Variants in PRKD3 observed in about 807,000 individuals in gnomAD.
The protein encoded by PRKD3 is serine/threonine-protein kinase D3.
PRKD3 carries 47 observed loss-of-function variants against 99.2 expected under a neutral mutation model. The ratio of observed to expected loss-of-function variants is 0.47; its 90% CI spans 0.38 to 0.60. The LOEUF (loss-of-function observed/expected upper bound fraction) is 0.60. Among genes scored for constraint, PRKD3 ranks in the 20% least tolerant of loss-of-function variants. PRKD3 has a pLI of 0.00. For synonymous variants in PRKD3, 392 were observed against 355.4 expected, an observed-to-expected ratio of 1.10 and a Z score of -1.16; for missense variants, 1,019 against 1,088.4, an observed-to-expected ratio of 0.94 and a Z score of 0.90.
intron 2 of PRKD3, among the ~76,000 whole-genome samples, chr2:37,314,344 A>T (rs1012185070): frequency 6.6e-6 from 1 of 152,190 alleles, no homozygotes; most frequent in African/African-American, 2.4e-5. Context: ...TAACTATTTT[A>T]TATTTGTATA....
intron 2 of PRKD3, among the ~76,000 whole-genome samples, chr2:37,293,518 C>T (rs749283948): frequency 6.6e-6 from 1 of 152,174 alleles, no homozygotes; most frequent in African/African-American, 2.4e-5. Flanking sequence ...ATGTCTCTTA[C>T]AAATACAGGA....
intron 16 of PRKD3, among the ~76,000 whole-genome samples, chr2:37,257,137 G>T (rs1318642923): frequency 1.3e-5 from 2 of 152,168 alleles, no homozygotes; most frequent in East Asian, 3.8e-4. Context: ...GACACAGTAT[G>T]AAGAGCTTTC....
At chr2:37,321,635 T>G (rs1671887665) in intron 1 of PRKD3, among the ~76,000 whole-genome samples, 1 of 152,224 alleles carries the variant, frequency 6.6e-6, no homozygotes, top group African/African-American at 2.4e-5. Context: ...GAAACAGACA[T>G]GGCCACTGCT....
chr2:37,274,057 C>T (rs976656998), intron 11 of PRKD3, among the ~76,000 whole-genome samples: 5 of 152,124 alleles, frequency 3.3e-5, no homozygotes, highest in Non-Finnish European at 7.3e-5. Context: ...TGAGACTTTA[C>T]GGATGCCAAG....
At chr2:37,281,740 A>C (rs1669866779) in intron 7 of PRKD3, among the ~76,000 whole-genome samples, 1 of 152,234 alleles carries the variant, frequency 6.6e-6, no homozygotes, top group Non-Finnish European at 1.5e-5. Flanking sequence ...AAAACAAGCC[A>C]CAAGAGAAAA....
intron 1 of PRKD3, among the ~76,000 whole-genome samples, chr2:37,323,728 G>A (rs1671979914): frequency 6.6e-6 from 1 of 152,104 alleles, no homozygotes; most frequent in Non-Finnish European, 1.5e-5. Context: ...ACAAATTAAG[G>A]CATTTAAAAG....
At chr2:37,293,383 T>G (rs77133404) in intron 2 of PRKD3, 112 bp from the exon 3 acceptor site, 16 of 1,047,440 alleles carry the variant, frequency 1.5e-5, no homozygotes, top group Non-Finnish European at 1.9e-5. Flanking sequence ...TAACACTATT[T>G]GCTAACAATT....
chr2:37,271,883 T>C (rs1669290364), intron 12 of PRKD3, among the ~76,000 whole-genome samples: 1 of 152,196 alleles, frequency 6.6e-6, no homozygotes, highest in Non-Finnish European at 1.5e-5. Flanking sequence ...TGACCTGTTA[T>C]AAAACCCTCA....
At chr2:37,254,591 G>T (rs1667786548) in intron 17 of PRKD3, among the ~76,000 whole-genome samples, 1 of 152,202 alleles carries the variant, frequency 6.6e-6, no homozygotes, top group South Asian at 2.1e-4. Flanking sequence ...GTGATACTGG[G>T]TCAGTTACTA....
chr2:37,281,606 C>T (rs1293645037), intron 7 of PRKD3, among the ~76,000 whole-genome samples: 7 of 152,144 alleles, frequency 4.6e-5, no homozygotes, highest in South Asian at 2.1e-4. Flanking sequence ...ACAGAATCTG[C>T]CAGTGCCCTG....
intron 1 of PRKD3, among the ~76,000 whole-genome samples, chr2:37,319,062 T>C (rs1671773415): frequency 6.6e-6 from 1 of 152,192 alleles, no homozygotes; most frequent in Non-Finnish European, 1.5e-5. Flanking sequence ...GCTCTTACTA[T>C]CTGTCAGATA....
At chr2:37,275,871 G>A (rs1415773809) in intron 9 of PRKD3, 27 bp from the exon 10 acceptor site, 3 of 1,593,362 alleles carry the variant, frequency 1.9e-6, no homozygotes, top group African/African-American at 1.4e-5. Flanking sequence ...GGAAAACTGT[G>A]AGGTTCAAAA....
Position 37,260,392 on chromosome 2 carries a change from G to A in PRKD3, c.1885-8C>T. On this transcript the variant is annotated splice_polypyrimidine_tract_variant and splice_region_variant and intron_variant, in intron 14 of 18. Transcript: ENST00000234179. ...CCCAGGATGGTGCAAATTCTGAAGA[G>A]AGGTTGCAAGATACATGAGCAACTT... 6.2e-7 allele frequency: 1 copy of A among 1,606,316 alleles called. No individual in the cohort carries two copies. Among genetic ancestry groups the A allele is most frequent in the Non-Finnish European group, 8.5e-7 (1 of 1,173,088 alleles).
intron 13 of PRKD3, chr2:37,269,323 T>C: frequency 2.7e-6 from 1 of 369,194 alleles, no homozygotes; most frequent in Non-Finnish European, 5.1e-6. Flanking sequence ...CAACATAAAC[T>C]TCAAACCATC....
chr2:37,285,859 T>C (rs1285967749), intron 6 of PRKD3, among the ~76,000 whole-genome samples: 1 of 152,180 alleles, frequency 6.6e-6, no homozygotes. Context: ...CCTATTACTA[T>C]TAGTAGTTAA....
At chr2:37,287,189 C>T (rs1469690141) in intron 5 of PRKD3, among the ~76,000 whole-genome samples, 3 of 122,292 alleles carry the variant, frequency 2.5e-5, no homozygotes, top group Non-Finnish European at 4.7e-5. Context: ...GAGATCATGC[C>T]ATTGGACTCC....
chr2:37,254,227 A>C lies in PRKD3; in HGVS notation c.2476T>G (p.Ser826Ala), dbSNP rs1667755480. ...KMRKRYSVDK[S>A]LSHPWLQDYQ... ...ACCTGTAGCCAGGGATGACTAAGAG[A>C]TTTGTCAACACTGTAACGTTTTCTC... Residue 826 changes from serine to alanine, a missense_variant, in exon 18 of 19, where the codon TCT becomes GCT. Transcript: ENST00000234179. The C allele has an allele frequency of 6.2e-7, 1 of 1,612,312 alleles. No homozygotes were observed. Among genetic ancestry groups the C allele is most frequent in the Non-Finnish European group, 8.5e-7 (1 of 1,178,410 alleles).
chr2:37,293,061 T>C (rs973767909), intron 3 of PRKD3, 72 bp downstream of exon 3: 7 of 1,353,250 alleles, frequency 5.2e-6, no homozygotes, highest in Admixed American at 2.1e-5. Context: ...ATAATCGAAT[T>C]GCAGCATTTA....
chr2:37,254,298 A>G lies in PRKD3; in HGVS notation c.2414-9T>C. 2 of 1,607,994 alleles carry G rather than the reference A, an allele frequency of 1.2e-6. No individual in the cohort carries two copies. The highest frequency in any genetic ancestry group is 2.7e-5 in the African/African-American group (2 of 74,934). ...GTTTATCAGATCAATTGCTAAGGGA[A>G]AAGACAAAACAAGATACATGAATTT... On this transcript the variant is annotated splice_polypyrimidine_tract_variant and intron_variant, in intron 17 of 18. Transcript: ENST00000234179.
Sources: allele counts gnomAD v4.1 joint callset (sites outside exome capture counted in the v4.1 genomes callset), GRCh38; gene constraint gnomAD v4.1.1; transcripts MANE v1.5; gene names NCBI Gene and HGNC (gene_info 2026-07-23, HGNC 2026-07-21).